MFSD11: variants seen among roughly 807,000 people sequenced by gnomAD.
MFSD11 encodes the protein major facilitator superfamily domain containing 11, also known as UNC93-like protein MFSD11.
A neutral mutation model predicts 53.5 loss-of-function variants in MFSD11; 36 were observed. The ratio of observed to expected loss-of-function variants is 0.67; its 90% CI spans 0.52 to 0.89. MFSD11 has a LOEUF of 0.89. Ranked by LOEUF, MFSD11 falls within the 40% of genes least tolerant of loss-of-function variation. The pLI, the probability that MFSD11 is intolerant of heterozygous loss-of-function variation, is 0.00. For missense variants in MFSD11, 530 were observed against 543.9 expected, an observed-to-expected ratio of 0.97 and a Z score of 0.25; for synonymous variants, 186 against 184.9, an observed-to-expected ratio of 1.01 and a Z score of -0.05.
chr17:76,788,696 G>GA, the MFSD11 span, among the ~76,000 whole-genome samples: 1 of 142,000 alleles, frequency 7.0e-6, no homozygotes, highest in South Asian at 2.4e-4. Flanking sequence ...CTAAAAACAA[G>GA]AAAAAAATTA....
the MFSD11 span, among the ~76,000 whole-genome samples, chr17:76,794,705 TG>T: frequency 0.86 from 77,886 of 90,134 alleles, 33,874 homozygotes; most frequent in Middle Eastern, 0.93. Flanking sequence ...TTTTTTTTTT[TG>T]TTTTGAGATG....
chr17:76,766,375 C>T (rs1329116897), intron 8 of MFSD11, among the ~76,000 whole-genome samples: 13 of 147,326 alleles, frequency 8.8e-5, no homozygotes, highest in South Asian at 4.3e-4. Context: ...GCCAAGATCG[C>T]GCCACTCTAC....
Position 76,776,990 on chromosome 17 carries a change from G to T in MFSD11, c.1185+449G>T, listed in dbSNP as rs570405702. 6.6e-6 allele frequency among the ~76,000 whole-genome samples: 1 copy of T among 151,922 alleles called. No individual in the cohort carries two copies. The highest frequency in any genetic ancestry group is 6.6e-5 in the Admixed American group (1 of 15,250). On this transcript the variant is annotated intron_variant, in intron 12 of 12. Coordinates refer to ENST00000685175, the MANE Select transcript of MFSD11 (RefSeq NM_001242532.5). This position sits in a 1 kb window ranked among gnomAD's most constrained non-coding sequence, Gnocchi z 4.2. ...TTATTTTTTTTTAAAGACAAAGTCGGCCCGCCGCGGCTCACACTTGTAATC... is the reference window on the plus strand; with the variant it reads ...TTATTTTTTTTTAAAGACAAAGTCGTCCCGCCGCGGCTCACACTTGTAATC...
chr17:76,756,809 G>A lies in MFSD11; in HGVS notation c.682+2722G>A, dbSNP rs566818272. The stretch of plus-strand genomic sequence containing the variant: ...TAGGAGGCGGAGGTTGCAGTGAGCC[G>A]AGATTGCGCCACTGCACTCCAGCCT... On this transcript the variant is annotated intron_variant, in intron 8 of 12. Transcript: ENST00000685175. 3.0e-4 allele frequency among the ~76,000 whole-genome samples: 45 copies of A among 150,926 alleles called. 1 individual carries two copies. The highest frequency in any genetic ancestry group is 7.4e-5 in the Non-Finnish European group (5 of 67,864).
chr17:76,755,697 T>C lies in MFSD11; in HGVS notation c.682+1610T>C, dbSNP rs558636488. ...TTTCAGGAATATATTCATAGTTTTT[T>C]ACATATATATATGTGTATATATATG... On this transcript the variant is annotated intron_variant, in intron 8 of 12. Coordinates refer to ENST00000685175, the MANE Select transcript of MFSD11 (RefSeq NM_001242532.5). Among the ~76,000 whole-genome samples the C allele has an allele frequency of 8.3e-4, 122 of 147,264 alleles. No individual in the cohort carries two copies. In the South Asian group the frequency reaches 0.013, roughly 15 times the overall value.
intron 8 of MFSD11, among the ~76,000 whole-genome samples, chr17:76,761,368 T>G (rs1413849185): frequency 2.0e-5 from 3 of 152,174 alleles, no homozygotes; most frequent in African/African-American, 7.2e-5. Context: ...TGTGGCAAGA[T>G]CTAGCTACTA....
the MFSD11 span, among the ~76,000 whole-genome samples, chr17:76,802,748 A>G: frequency 6.6e-6 from 1 of 152,116 alleles, no homozygotes. Context: ...GCATGGTGGC[A>G]TGCACCTGTA....
chr17:76,789,276 A>G, the MFSD11 span, among the ~76,000 whole-genome samples: 719 of 150,328 alleles, frequency 4.8e-3, 34 homozygotes, highest in African/African-American at 0.016. Flanking sequence ...ATACATTGGC[A>G]TGGTTCCGGG....
At chr17:76,798,169 G>A in the MFSD11 span, among the ~76,000 whole-genome samples, 9 of 152,078 alleles carry the variant, frequency 5.9e-5, no homozygotes, top group African/African-American at 1.4e-4. Flanking sequence ...ATTACACGTC[G>A]GAGCCACCAT....
At chr17:76,797,818 G>A in the MFSD11 span, among the ~76,000 whole-genome samples, 1 of 152,114 alleles carries the variant, frequency 6.6e-6, no homozygotes, top group Non-Finnish European at 1.5e-5. Context: ...AGCTGTAAAG[G>A]GAGGGGAGTT....
At chr17:76,736,822 A>G, upstream of MFSD11, 16 of 1,593,024 alleles carry the variant, frequency 1.0e-5, no homozygotes, top group Middle Eastern at 1.7e-4. Flanking sequence ...GTCCGTAGCC[A>G]CCGCCCCCGT....
the MFSD11 span, among the ~76,000 whole-genome samples, chr17:76,793,463 G>A: frequency 9.2e-5 from 14 of 151,504 alleles, no homozygotes; most frequent in Admixed American, 9.2e-4. Context: ...CTTGTTCCCT[G>A]AACATTGCTG....
intron 5 of MFSD11, among the ~76,000 whole-genome samples, chr17:76,742,660 G>A (rs1347212691): frequency 6.6e-6 from 1 of 151,862 alleles, no homozygotes; most frequent in African/African-American, 2.4e-5. Flanking sequence ...CCACCACCAC[G>A]CCCGGCTAAT....
At chr17:76,753,674 T>G (rs2079276962) in intron 7 of MFSD11, among the ~76,000 whole-genome samples, 1 of 112,110 alleles carries the variant, frequency 8.9e-6, no homozygotes, top group Admixed American at 1.1e-4. Flanking sequence ...GGAGGTGGAG[T>G]GCGACCCTGT....
At chr17:76,794,693 T>G in the MFSD11 span, among the ~76,000 whole-genome samples, 50 of 3,522 alleles carry the variant, frequency 0.014, 3 homozygotes, top group Non-Finnish European at 0.039. Flanking sequence ...TTTTTTTTTT[T>G]TTTTTTTTTT....
At chr17:76,749,507 G>A (rs2078852151) in intron 7 of MFSD11, among the ~76,000 whole-genome samples, 9 of 144,270 alleles carry the variant, frequency 6.2e-5, no homozygotes. Context: ...ACTCCAGCCT[G>A]GGTGACAGGG....
At chr17:76,757,969 C>G (rs2079816957) in intron 8 of MFSD11, among the ~76,000 whole-genome samples, 1 of 151,896 alleles carries the variant, frequency 6.6e-6, no homozygotes, top group African/African-American at 2.4e-5. Context: ...AAGATTGCAC[C>G]ACTGTACTCC....
intron 9 of MFSD11, among the ~76,000 whole-genome samples, chr17:76,768,950 C>T (rs1409191462): frequency 6.7e-6 from 1 of 148,430 alleles, no homozygotes; most frequent in Non-Finnish European, 1.5e-5. Context: ...AGCGCCACTG[C>T]ACTCCAGCCT....
At chr17:76,788,526 C>A in the MFSD11 span, among the ~76,000 whole-genome samples, 2 of 148,848 alleles carry the variant, frequency 1.3e-5, no homozygotes, top group African/African-American at 4.9e-5. Flanking sequence ...CCACCACGCC[C>A]GGCTAATTTT....
Sources: allele counts gnomAD v4.1 joint callset (sites outside exome capture counted in the v4.1 genomes callset), GRCh38; gene constraint gnomAD v4.1.1; non-coding constraint Gnocchi (gnomAD v3.1); transcripts MANE v1.5; gene names NCBI Gene and HGNC (gene_info 2026-07-23, HGNC 2026-07-21).